The following STAG1 variants were observed in gnomAD, a reference collection of about 807,000 sequenced individuals.
STAG1 encodes the protein cohesin subunit SA-1.
A neutral mutation model predicts 170.9 loss-of-function variants in STAG1; 26 were observed. The observed-to-expected ratio is 0.15, with a 90% CI of 0.11 to 0.21. STAG1 has a LOEUF of 0.21. STAG1 is among the 10% of genes least tolerant of loss of function. The pLI is 1.00. For missense variants in STAG1, 964 were observed against 1,509.5 expected (o/e 0.64, Z 5.99); for synonymous variants, 514 against 497.7 (o/e 1.03, Z -0.44).
At chr3:136,429,642 T>C (rs1316834585) in intron 16 of STAG1, among the ~76,000 whole-genome samples, 1 of 152,166 alleles carries the variant, frequency 6.6e-6, no homozygotes, top group Non-Finnish European at 1.5e-5. Context: ...GGAAGGAGGA[T>C]TGGTATCACA....
chr3:136,559,153 C>CTATG (rs940742258), intron 5 of STAG1, among the ~76,000 whole-genome samples: 4 of 151,800 alleles, frequency 2.6e-5, no homozygotes, highest in African/African-American at 9.7e-5. Context: ...ATCTATCTAT[C>CTATG]TATCTATCTA....
chr3:136,475,338 G>C (rs551578868), intron 10 of STAG1, among the ~76,000 whole-genome samples: 12 of 151,962 alleles, frequency 7.9e-5, no homozygotes, highest in African/African-American at 2.4e-4. Context: ...GTAGAGACAG[G>C]GTTTTGCCAT....
chr3:136,506,440 G>C (rs1202776358), intron 7 of STAG1, among the ~76,000 whole-genome samples: 2 of 148,322 alleles, frequency 1.3e-5, no homozygotes, highest in Admixed American at 1.4e-4. Flanking sequence ...AGACCAGCCT[G>C]GCCAACATGG....
At chr3:136,344,636 C>T (rs1008856103) in intron 29 of STAG1, among the ~76,000 whole-genome samples, 9 of 151,932 alleles carry the variant, frequency 5.9e-5, no homozygotes, top group East Asian at 1.9e-4. Context: ...TTTTTCAAGA[C>T]GGAGTCTCAC....
chr3:136,607,468 T>C (rs991858128), intron 3 of STAG1, among the ~76,000 whole-genome samples: 2 of 152,152 alleles, frequency 1.3e-5, no homozygotes, highest in East Asian at 1.9e-4. Context: ...GGTGGTGCGA[T>C]CTTTGCTCAC....
chr3:136,531,505 C>T (rs1190000198), intron 6 of STAG1, among the ~76,000 whole-genome samples: 6 of 149,068 alleles, frequency 4.0e-5, no homozygotes, highest in Non-Finnish European at 7.5e-5. Flanking sequence ...GACTTGGAAC[C>T]AACCCAAATG....
chr3:136,427,104 A>G (rs907368153), intron 16 of STAG1, among the ~76,000 whole-genome samples: 3 of 150,564 alleles, frequency 2.0e-5, no homozygotes, highest in Non-Finnish European at 3.0e-5. Context: ...TGGCAAGCGC[A>G]TGTAATCCCA....
chr3:136,668,276 T>C (rs1941862480), intron 1 of STAG1, among the ~76,000 whole-genome samples: 1 of 147,056 alleles, frequency 6.8e-6, no homozygotes, highest in African/African-American at 2.5e-5. Flanking sequence ...ATACATAATA[T>C]ATATTATACA....
intron 1 of STAG1, among the ~76,000 whole-genome samples, chr3:136,702,115 G>C (rs11713225): frequency 0.054 from 3,533 of 66,000 alleles, 66 homozygotes; most frequent in Non-Finnish European, 0.081. Flanking sequence ...GAGAGAGAGA[G>C]AGAGAGACAG....
At chr3:136,473,045 G>T (rs1197250504) in intron 11 of STAG1, among the ~76,000 whole-genome samples, 2 of 152,104 alleles carry the variant, frequency 1.3e-5, no homozygotes, top group Non-Finnish European at 2.9e-5. Context: ...TCCAAGTCTT[G>T]TCAAATCAGC....
At chr3:136,749,992 CAA>C (rs1576849137) in intron 1 of STAG1, among the ~76,000 whole-genome samples, 1 of 150,834 alleles carries the variant, frequency 6.6e-6, no homozygotes, top group African/African-American at 2.4e-5. Context: ...AAAGGGGAAA[CAA>C]GAACGTATCT....
chr3:136,512,859 TTAGTATCTCAC>T (rs1458219698), intron 7 of STAG1, among the ~76,000 whole-genome samples: 3 of 152,160 alleles, frequency 2.0e-5, no homozygotes, highest in African/African-American at 4.8e-5. Context: ...ATTGAGCTTT[TTAGTATCTCAC>T]TATCAACAAT....
intron 1 of STAG1, among the ~76,000 whole-genome samples, chr3:136,674,449 G>A (rs992321677): frequency 6.6e-6 from 1 of 152,146 alleles, no homozygotes; most frequent in Non-Finnish European, 1.5e-5. Flanking sequence ...GAAAAATTCT[G>A]TCACTTATAT....
At chr3:136,600,222 T>C (rs192751742) in intron 4 of STAG1, among the ~76,000 whole-genome samples, 266 of 152,338 alleles carry the variant, frequency 1.7e-3, no homozygotes, top group African/African-American at 4.7e-3. Flanking sequence ...ACTGGACATC[T>C]CAAGGGTAAC....
chr3:136,542,288 C>T, intron 5 of STAG1, 93 bp from the exon 6 acceptor site: 1 of 894,932 alleles, frequency 1.1e-6, no homozygotes. Flanking sequence ...TGTGAGAATC[C>T]CAAAAGAATA....
At chr3:136,399,971 G>A (rs541200859) in intron 21 of STAG1, among the ~76,000 whole-genome samples, 1 of 152,018 alleles carries the variant, frequency 6.6e-6, no homozygotes, top group Non-Finnish European at 1.5e-5. Flanking sequence ...CACTCAGGCT[G>A]GAGTGCAGTG....
intron 22 of STAG1, among the ~76,000 whole-genome samples, chr3:136,397,452 TTTC>T (rs1338716317): frequency 8.9e-5 from 11 of 123,116 alleles, no homozygotes; most frequent in South Asian, 2.9e-4. Flanking sequence ...ACTTTTTTTC[TTTC>T]TTTTTTTTTT....
intron 12 of STAG1, among the ~76,000 whole-genome samples, chr3:136,469,713 C>G (rs1179977248): frequency 6.6e-6 from 1 of 152,314 alleles, no homozygotes; most frequent in South Asian, 2.1e-4. Context: ...CTGGAGGCAT[C>G]AGGCTATCTG....
chr3:136,550,404 T>C (rs1461881406), intron 5 of STAG1, among the ~76,000 whole-genome samples: 2 of 151,892 alleles, frequency 1.3e-5, no homozygotes, highest in Non-Finnish European at 2.9e-5. Flanking sequence ...GCCTCCCGGA[T>C]TCACGCCATT....
Sources: gnomAD v4.1 joint callset for allele counts (sites outside exome capture counted in the v4.1 genomes callset) on GRCh38, gnomAD v4.1.1 for gene constraint, MANE v1.5 for transcripts, NCBI Gene and HGNC (gene_info 2026-07-23, HGNC 2026-07-21) for gene names.